The following ACAN variants were observed in gnomAD, a reference collection of about 807,000 sequenced individuals.
ACAN encodes the protein aggrecan.
In ACAN, 47 loss-of-function variants were observed where a neutral mutation model predicts 169.1. The observed-to-expected ratio is 0.28, with a 90% CI of 0.22 to 0.35. ACAN has a LOEUF of 0.35. Ranked by LOEUF, ACAN falls within the 10% of genes least tolerant of loss-of-function variation. The pLI is 1.00. For missense variants in ACAN, 2,716 were observed against 2,759.9 expected (o/e 0.98, Z 0.36); for synonymous variants, 1,115 against 1,112.2 (o/e 1.00, Z -0.05).
chr15:88,841,866 G>A lies in ACAN; in HGVS notation c.756G>A (p.Glu252=), dbSNP rs920232909. 2 of 1,612,636 alleles carry A rather than the reference G, an allele frequency of 1.2e-6. No individual in the cohort carries two copies. Among genetic ancestry groups the A allele is most frequent in the East Asian group, 2.2e-5 (1 of 44,822 alleles). ...TGTACTGCTTCGCCGAGGAGATGGA[G>A]GGTGAGCTGCCCTGCCCACCAGGAG... ...YDVYCFAEEM[E]GEVFYATSPE... Residue 252 remains glutamate (E), a splice_region_variant and synonymous_variant, in exon 5 of 19, where the codon GAG becomes GAA. Coordinates refer to ENST00000560601, the MANE Select transcript of ACAN (RefSeq NM_001369268.1).
rs141802599 is a variant in ACAN, at chr15:88,809,046, A to G, written c.-8+5237A>G. Among the ~76,000 whole-genome samples the G allele has an allele frequency of 7.5e-3, 1,144 of 152,312 alleles. 11 individuals are homozygous for G. Among genetic ancestry groups the G allele is most frequent in the African/African-American group, 0.026 (1,064 of 41,562 alleles). ...GTTTCTGTTTCCGTGAGATGGACTC[A>G]TGGTACAGTTGTGAAGGTTTGAAAG... On this transcript the variant is annotated intron_variant, in intron 1 of 18. Coordinates refer to ENST00000560601, the MANE Select transcript of ACAN (RefSeq NM_001369268.1).
At chr15:88,826,374 CTTT>C (rs59069149) in intron 1 of ACAN, among the ~76,000 whole-genome samples, 25 of 111,552 alleles carry the variant, frequency 2.2e-4, no homozygotes, top group Admixed American at 3.9e-4. Context: ...CCTTTTTTTT[CTTT>C]TTTTTTTTTT....
Position 88,843,737 on chromosome 15 carries a change from T to C in ACAN, c.1051+89T>C. ...GGGGATCTTGGAAAGGGAGGGTTGG[T>C]TTTTGCCCTTGAAGGGGCCACGGGG... On this transcript the variant is annotated intron_variant, in intron 6 of 18. Coordinates refer to ENST00000560601, the MANE Select transcript of ACAN (RefSeq NM_001369268.1). This position sits in a 1 kb window ranked among gnomAD's most constrained non-coding sequence, Gnocchi z 4.0. The C allele has an allele frequency of 6.7e-7, 1 of 1,483,196 alleles. No individual in the cohort carries two copies. The highest frequency in any genetic ancestry group is 9.0e-7 in the Non-Finnish European group (1 of 1,115,268). 91.9% of individuals were successfully genotyped at this position (1,483,196 alleles called of 1,614,324 possible). A position where few individuals can be genotyped will look rare whatever the true frequency, so the allele number is the denominator to read the frequency against.
chr15:88,842,113 G>A (rs1896676832), intron 5 of ACAN, among the ~76,000 whole-genome samples: 1 of 152,186 alleles, frequency 6.6e-6, no homozygotes, highest in South Asian at 2.1e-4. Context: ...CTGGACCCAA[G>A]AGCACATGTC....
Position 88,807,407 on chromosome 15 carries a change from G to A in ACAN, c.-8+3598G>A, listed in dbSNP as rs973096166. On this transcript the variant is annotated intron_variant, in intron 1 of 18. Coordinates refer to ENST00000560601, the MANE Select transcript of ACAN (RefSeq NM_001369268.1). The surrounding 1 kb of genome is among the most constrained non-coding windows in gnomAD (Gnocchi z 4.0). ...CTGATGGTAGCCGCACTGCCGCCCT[G>A]ATAACTTAAAGGAAGCCCCTTCAAT... Among the ~76,000 whole-genome samples, 14 of 152,202 alleles carry A rather than the reference G, an allele frequency of 9.2e-5. No homozygotes were observed. The highest frequency in any genetic ancestry group is 3.4e-4 in the African/African-American group (14 of 41,448).
Position 88,861,895 on chromosome 15 carries a change from T to G in ACAN, c.6946+1456T>G, listed in dbSNP as rs2141618944. Among the ~76,000 whole-genome samples, 1 of 152,346 alleles carries G rather than the reference T, an allele frequency of 6.6e-6. No individual in the cohort carries two copies. Among genetic ancestry groups the G allele is most frequent in the Non-Finnish European group, 1.5e-5 (1 of 68,034 alleles). ...TTCTGCTGTAAGGACAGCCTCTCTG[T>G]GATCATGTATATTTCCACAGGGCTT... On this transcript the variant is annotated intron_variant, in intron 13 of 18. Coordinates refer to ENST00000560601, the MANE Select transcript of ACAN (RefSeq NM_001369268.1). This position sits in a 1 kb window ranked among gnomAD's most constrained non-coding sequence, Gnocchi z 6.3.
intron 7 of ACAN, 62 bp downstream of exon 7, chr15:88,845,944 G>A: frequency 3.5e-6 from 5 of 1,425,156 alleles, no homozygotes; most frequent in Non-Finnish European, 4.6e-6. Flanking sequence ...TGCAGGGAAG[G>A]GATTCCCGCA....
At position 88,872,054 on chromosome 15, in the gene ACAN, G is replaced by A. The variant is rs374842225; in HGVS notation, c.7271G>A (p.Gly2424Glu). Residue 2424 changes from glycine to glutamate, a missense_variant, in exon 16 of 19, where the codon GGG becomes GAG. Around this residue, in one of 3 missense-constraint regions of ACAN, gnomAD observed 1,389 missense variants for 1,363.7 expected, o/e 1.02. Transcript: ENST00000560601. This position sits in a 1 kb window ranked among gnomAD's most constrained non-coding sequence, Gnocchi z 5.4. ...WIGLNDRTIE[G>E]DFRWSDGHPM... ...GGCCTGAACGACAGGACCATCGAAG[G>A]GGACTTCCGCTGGTCAGATGGACAC... The A allele has an allele frequency of 1.2e-6, 2 of 1,613,844 alleles. No homozygotes were observed. The highest frequency in any genetic ancestry group is 8.5e-7 in the Non-Finnish European group (1 of 1,179,914).
intron 1 of ACAN, among the ~76,000 whole-genome samples, chr15:88,833,764 C>T (rs74817303): frequency 0.013 from 1,797 of 135,530 alleles, 48 homozygotes; most frequent in African/African-American, 0.049. Context: ...CATTCCTTCC[C>T]ATTTCCTGGT....
intron 6 of ACAN, among the ~76,000 whole-genome samples, chr15:88,844,960 C>T (rs774729591): frequency 6.6e-6 from 1 of 152,166 alleles, no homozygotes; most frequent in Non-Finnish European, 1.5e-5. Context: ...CCCCTCGAAG[C>T]CTCTCTTAAC....
rs755694129 is a variant in ACAN, at chr15:88,858,793, A to C, written c.6208A>C (p.Ser2070Arg). Residue 2070 changes from serine (S) to arginine (R), a missense_variant, in exon 12 of 19, where the codon AGT becomes CGT. This residue lies in a region of ACAN where 1,389 missense variants were observed against 1,363.7 expected (regional missense o/e 1.02). Transcript: ENST00000560601. This position sits in a 1 kb window ranked among gnomAD's most constrained non-coding sequence, Gnocchi z 4.0. The stretch of plus-strand genomic sequence containing the variant: ...ACACACACCCCAGCTTTTTGAGTCC[A>C]GTGGAAAAGTCTCCACAGCTGGGGA... ...VTHTPQLFES[S>R]GKVSTAGDIS... 5.0e-6 allele frequency: 8 copies of C among 1,613,894 alleles called. No homozygotes were observed. In the South Asian group the frequency reaches 8.8e-5, roughly 18 times the overall value.
rs1468586867 is a variant in ACAN, at chr15:88,868,417, G to A, written c.7060+88G>A. 3.2e-6 allele frequency: 2 copies of A among 617,298 alleles called. No individual in the cohort carries two copies. Among genetic ancestry groups the A allele is most frequent in the African/African-American group, 3.7e-5 (2 of 54,668 alleles). 38.2% of individuals were successfully genotyped at this position (617,298 alleles called of 1,614,324 possible). ...TTTCCCTCCTAACAACAGGCTCCAGGCCCTGGCTGGGGCCCCCGAGGTTCA... is the reference window on the plus strand; with the variant it reads ...TTTCCCTCCTAACAACAGGCTCCAGACCCTGGCTGGGGCCCCCGAGGTTCA... On this transcript the variant is annotated intron_variant, in intron 14 of 18. Transcript: ENST00000560601. The surrounding 1 kb of genome is among the most constrained non-coding windows in gnomAD (Gnocchi z 5.2).
At position 88,849,922 on chromosome 15, in the gene ACAN, T is replaced by C. The variant is rs769297425; in HGVS notation, c.2026+191T>C. The C allele has an allele frequency of 2.5e-6, 2 of 784,594 alleles. No homozygotes were observed. Among genetic ancestry groups the C allele is most frequent in the Non-Finnish European group, 4.3e-6 (2 of 461,876 alleles). The allele number at this position is 784,594 out of a possible 1,614,324, so 48.6% of individuals were successfully genotyped here. On this transcript the variant is annotated intron_variant, in intron 10 of 18. Transcript: ENST00000560601. This position sits in a 1 kb window ranked among gnomAD's most constrained non-coding sequence, Gnocchi z 5.1. The stretch of plus-strand genomic sequence containing the variant: ...CCAAGGCAAGGTCATCCTTCTAAAG[T>C]TCCCCAGAGACAAGTAGAGATAAAT...
In ACAN at chr15:88,873,658, T is replaced by C; in HGVS notation, c.7448-184T>C. On this transcript the variant is annotated intron_variant, in intron 17 of 18. Transcript: ENST00000560601. The surrounding 1 kb of genome is among the most constrained non-coding windows in gnomAD (Gnocchi z 7.5). Reference sequence around the variant, plus strand: ...CGTTTGTATTCCCTTCCTGCTGTTCTAAATTGTTGAGGAACCCAGATGTTA... The same window carrying C: ...CGTTTGTATTCCCTTCCTGCTGTTCCAAATTGTTGAGGAACCCAGATGTTA... The C allele has an allele frequency of 1.6e-6, 1 of 621,604 alleles. No homozygotes were observed. The highest frequency in any genetic ancestry group is 2.8e-6 in the Non-Finnish European group (1 of 358,196). 38.5% of individuals were successfully genotyped at this position (621,604 alleles called of 1,614,324 possible).
rs540947077 is a variant in ACAN at position 88,869,806 on chromosome 15, G to A, written c.7060+1477G>A. 4.6e-4 allele frequency among the ~76,000 whole-genome samples: 70 copies of A among 152,222 alleles called. No individual in the cohort carries two copies. The highest frequency in any genetic ancestry group is 1.5e-3 in the African/African-American group (63 of 41,528). On this transcript the variant is annotated intron_variant, in intron 14 of 18. Transcript: ENST00000560601. This position sits in a 1 kb window ranked among gnomAD's most constrained non-coding sequence, Gnocchi z 4.2. ...CAATCCTGAGTCCTCACCACTCCAC[G>A]GTGCCTCCTGCCTTGGCTCTGTCCC... is the stretch of plus-strand genomic sequence containing the variant.
intron 6 of ACAN, among the ~76,000 whole-genome samples, chr15:88,844,125 G>T (rs992511555): frequency 1.3e-5 from 2 of 151,972 alleles, no homozygotes; most frequent in African/African-American, 2.4e-5. Flanking sequence ...AATGGGTTTT[G>T]TTGTGTTTTG....
intron 1 of ACAN, among the ~76,000 whole-genome samples, chr15:88,805,406 C>T (rs1350756513): frequency 6.6e-6 from 1 of 152,080 alleles, no homozygotes; most frequent in African/African-American, 2.4e-5. Context: ...TAGATCTCCC[C>T]AGTATAAAAA....
intron 7 of ACAN, 105 bp downstream of exon 7, chr15:88,845,987 C>A (rs1329503892): frequency 1.4e-5 from 18 of 1,256,764 alleles, no homozygotes; most frequent in Non-Finnish European, 1.9e-5. Context: ...TAACCTGGCA[C>A]GTGGGACAAT....
intron 1 of ACAN, among the ~76,000 whole-genome samples, chr15:88,832,152 T>G (rs1019940860): frequency 6.6e-6 from 1 of 152,024 alleles, no homozygotes; most frequent in Non-Finnish European, 1.5e-5. Flanking sequence ...ATATACAGGA[T>G]TCATGCCAGG....
Sources: allele counts gnomAD v4.1 joint callset (sites outside exome capture counted in the v4.1 genomes callset), GRCh38; gene constraint gnomAD v4.1.1; regional missense constraint gnomAD v4.1.1; non-coding constraint Gnocchi (gnomAD v3.1); transcripts MANE v1.5; gene names NCBI Gene and HGNC (gene_info 2026-07-23, HGNC 2026-07-21).